NFIC: variants seen among roughly 807,000 people sequenced by gnomAD.
NFIC encodes nuclear factor I C, also known as nuclear factor 1 C-type.
NFIC carries 12 observed loss-of-function variants against 54.4 expected under a neutral mutation model. The ratio of observed to expected loss-of-function variants is 0.22; its 90% confidence interval spans 0.14 to 0.36. The LOEUF (loss-of-function observed/expected upper bound fraction) is 0.36, where lower values mean the gene tolerates loss of function less well. NFIC is among the 10% of genes least tolerant of loss of function. The pLI is 1.00. For missense variants in NFIC, 575 were observed against 718.2 expected (o/e 0.80, Z 2.28); for synonymous variants, 322 against 319.2 (o/e 1.01, Z -0.09).
chr19:3,406,871 C>A (rs2081658012), intron 2 of NFIC, among the ~76,000 whole-genome samples: 1 of 152,146 alleles, frequency 6.6e-6, no homozygotes, highest in Non-Finnish European at 1.5e-5. Context: ...GTGAGCCAGG[C>A]AGGCATTTGC....
intron 2 of NFIC, among the ~76,000 whole-genome samples, chr19:3,411,732 C>T (rs182156273): frequency 5.9e-5 from 9 of 152,256 alleles, no homozygotes; most frequent in Admixed American, 2.0e-4. Flanking sequence ...CTGCTCACAT[C>T]CGGCGGCACA....
chr19:3,452,376 C>T lies in NFIC; in HGVS notation c.1085-106C>T. The T allele has an allele frequency of 7.1e-7, 1 of 1,417,308 alleles. No individual in the cohort carries two copies. Among genetic ancestry groups the T allele is most frequent in the African/African-American group, 1.4e-5 (1 of 71,046 alleles). 87.8% of individuals were successfully genotyped at this position (1,417,308 alleles called of 1,614,324 possible). A position where few individuals can be genotyped will look rare whatever the true frequency, so the allele number is the denominator to read the frequency against. ...TTTTGGTGGTTATTGTTACTAAACG[C>T]ACTGAGATGCCGGCAGGAATGACAC... On this transcript the variant is annotated intron_variant, in intron 7 of 10. Coordinates refer to ENST00000443272, the MANE Select transcript of NFIC (RefSeq NM_001245002.2). This position sits in a 1 kb window ranked among gnomAD's most constrained non-coding sequence, Gnocchi z 5.3.
chr19:3,414,398 C>A (rs900407650), intron 2 of NFIC, among the ~76,000 whole-genome samples: 2 of 152,064 alleles, frequency 1.3e-5, no homozygotes, highest in African/African-American at 2.4e-5. Flanking sequence ...AGTTCGAGAC[C>A]AGCCTGACCA....
In NFIC at chr19:3,433,600, T is replaced by C; in HGVS notation, c.709+8T>C. The C allele has an allele frequency of 6.2e-7, 1 of 1,613,438 alleles. No homozygotes were observed. Among genetic ancestry groups the C allele is most frequent in the East Asian group, 2.2e-5 (1 of 44,844 alleles). ...TCATCCAAGTGTCCCGGAGTGAGTG[T>C]TCCCGTCAGCCCTGAGCTGGGTCTT... On this transcript the variant is annotated splice_region_variant and intron_variant, in intron 4 of 10. Coordinates refer to ENST00000443272, the MANE Select transcript of NFIC (RefSeq NM_001245002.2).
At chr19:3,380,288 G>T (rs1287557488) in intron 1 of NFIC, among the ~76,000 whole-genome samples, 1 of 145,266 alleles carries the variant, frequency 6.9e-6, no homozygotes, top group East Asian at 2.1e-4. Flanking sequence ...ACAAGCGTGA[G>T]CCACCGTGCC....
In NFIC at chr19:3,375,956, A is replaced by C. The variant is rs1354800118; in HGVS notation, c.31-5756A>C. 6.6e-6 allele frequency among the ~76,000 whole-genome samples: 1 copy of C among 151,994 alleles called. No individual in the cohort carries two copies. The highest frequency in any genetic ancestry group is 1.5e-5 in the Non-Finnish European group (1 of 67,986). On this transcript the variant is annotated intron_variant, in intron 1 of 10. Transcript: ENST00000443272. The surrounding 1 kb of genome is among the most constrained non-coding windows in gnomAD (Gnocchi z 4.6). ...TTACAGAGAACAGGCTGTTCTGAGAAAGGGACCCGTGGCCTTCCAGGGGGT... is the reference window on the plus strand; with the variant it reads ...TTACAGAGAACAGGCTGTTCTGAGACAGGGACCCGTGGCCTTCCAGGGGGT...
In NFIC at chr19:3,404,011, C is replaced by T. The variant is rs1037563640; in HGVS notation, c.563-21095C>T. ...TGGCTCCCGGGGCTCCCTTCTCCACCCCCCCAGCCCCTGGCCTGCCCCTTT... is the reference window on the plus strand; with the variant it reads ...TGGCTCCCGGGGCTCCCTTCTCCACTCCCCCAGCCCCTGGCCTGCCCCTTT... On this transcript the variant is annotated intron_variant, in intron 2 of 10. Transcript: ENST00000443272. Among the ~76,000 whole-genome samples, 13 of 151,984 alleles carry T rather than the reference C, an allele frequency of 8.6e-5. No homozygotes were observed. In the East Asian group the frequency reaches 9.7e-4, roughly 11 times the overall value.
chr19:3,452,156 C>T lies in NFIC; in HGVS notation c.1085-326C>T, dbSNP rs930592646. ...CTCAGTGGGTTACACCTGTAATCCC[C>T]GCACTTTGGGAGGCCTAGGAGGGAG... is the stretch of plus-strand genomic sequence containing the variant. On this transcript the variant is annotated intron_variant, in intron 7 of 10. Transcript: ENST00000443272. The surrounding 1 kb of genome is among the most constrained non-coding windows in gnomAD (Gnocchi z 5.3). Among the ~76,000 whole-genome samples the T allele has an allele frequency of 4.0e-5, 6 of 151,172 alleles. No individual in the cohort carries two copies. The highest frequency in any genetic ancestry group is 2.1e-4 in the South Asian group (1 of 4,748).
chr19:3,458,994 G>A lies in NFIC; in HGVS notation c.1509+2359G>A, dbSNP rs1387135986. 2.6e-5 allele frequency among the ~76,000 whole-genome samples: 4 copies of A among 152,010 alleles called. No individual in the cohort carries two copies. The highest frequency in any genetic ancestry group is 5.9e-5 in the Non-Finnish European group (4 of 67,966). On this transcript the variant is annotated intron_variant, in intron 10 of 10. Transcript: ENST00000443272. This position sits in a 1 kb window ranked among gnomAD's most constrained non-coding sequence, Gnocchi z 4.1. The stretch of plus-strand genomic sequence containing the variant: ...AGCACCTGGGTTGAGGCCGGGCGCC[G>A]CCACCTCCCTGCAGACCCCGGAGAG...
chr19:3,402,444 T>A (rs956800735), intron 2 of NFIC, among the ~76,000 whole-genome samples: 3 of 152,190 alleles, frequency 2.0e-5, no homozygotes, highest in East Asian at 1.9e-4. Context: ...CTCTCAACTT[T>A]CTTTCTACAA....
At chr19:3,451,740 G>T (rs74766028) in intron 7 of NFIC, among the ~76,000 whole-genome samples, 15,561 of 151,434 alleles carry the variant, frequency 0.1, 1,794 homozygotes, top group African/African-American at 0.29. Flanking sequence ...CAAATTCCCG[G>T]TCTGCCATCT....
intron 2 of NFIC, among the ~76,000 whole-genome samples, chr19:3,414,808 GTTTGTTTT>G (rs1239628164): frequency 3.3e-5 from 5 of 151,652 alleles, no homozygotes; most frequent in African/African-American, 1.2e-4. Flanking sequence ...AAAGTGCTTA[GTTTGTTTT>G]TTTGTTTTTT....
intron 1 of NFIC, among the ~76,000 whole-genome samples, chr19:3,378,693 G>A (rs1178169775): frequency 6.6e-6 from 1 of 152,184 alleles, no homozygotes; most frequent in African/African-American, 2.4e-5. Flanking sequence ...CCCAGCTCTG[G>A]CCCAGTCTCA....
At chr19:3,441,163 G>A (rs938157102) in intron 6 of NFIC, among the ~76,000 whole-genome samples, 31 of 152,142 alleles carry the variant, frequency 2.0e-4, no homozygotes, top group Non-Finnish European at 8.8e-5. Flanking sequence ...ACAGCCCTGC[G>A]GAGGTGCCTG....
At position 3,453,926 on chromosome 19, in the gene NFIC, C is replaced by T. The variant is rs367788522; in HGVS notation, c.1423+10C>T. 184 of 1,521,876 alleles carry T rather than the reference C, an allele frequency of 1.2e-4. No individual in the cohort carries two copies. The highest frequency in any genetic ancestry group is 1.7e-4 in the Middle Eastern group (1 of 5,814). 94.3% of individuals were successfully genotyped at this position (1,521,876 alleles called of 1,614,324 possible). ...TCGCCGACCTCGCCTTGTAAGCACG[C>T]GGGAAGCGGTGCCCTGGTGGGGCGG... is the stretch of plus-strand genomic sequence containing the variant. On this transcript the variant is annotated intron_variant, in intron 9 of 10. Transcript: ENST00000443272. The surrounding 1 kb of genome is among the most constrained non-coding windows in gnomAD (Gnocchi z 6.7).
intron 2 of NFIC, among the ~76,000 whole-genome samples, chr19:3,421,339 G>A (rs913751836): frequency 3.9e-5 from 6 of 152,220 alleles, no homozygotes; most frequent in African/African-American, 1.4e-4. Context: ...CTGTGCCCAC[G>A]GCCTGGCGCC....
chr19:3,405,759 C>T (rs1214342587), intron 2 of NFIC, among the ~76,000 whole-genome samples: 1 of 151,850 alleles, frequency 6.6e-6, no homozygotes, highest in Non-Finnish European at 1.5e-5. Flanking sequence ...GCCACTACAC[C>T]CAGCTAATTT....
intron 6 of NFIC, among the ~76,000 whole-genome samples, chr19:3,442,370 C>T (rs1358243965): frequency 6.7e-6 from 1 of 148,732 alleles, no homozygotes; most frequent in African/African-American, 2.5e-5. Flanking sequence ...TCACCCCAGG[C>T]TTCCCATCCC....
In NFIC at chr19:3,452,237, C is replaced by A. The variant is rs1227661733; in HGVS notation, c.1085-245C>A. Among the ~76,000 whole-genome samples, 1 of 152,038 alleles carries A rather than the reference C, an allele frequency of 6.6e-6. No homozygotes were observed. The highest frequency in any genetic ancestry group is 1.5e-5 in the Non-Finnish European group (1 of 68,022). ...CCTGGGCAACATAGCAAGACCCCCA[C>A]CTCTACAAAACTAAAAAATTAAATT... On this transcript the variant is annotated intron_variant, in intron 7 of 10. Coordinates refer to ENST00000443272, the MANE Select transcript of NFIC (RefSeq NM_001245002.2). This position sits in a 1 kb window ranked among gnomAD's most constrained non-coding sequence, Gnocchi z 5.3.
Sources: allele counts gnomAD v4.1 joint callset (sites outside exome capture counted in the v4.1 genomes callset), GRCh38; gene constraint gnomAD v4.1.1; non-coding constraint Gnocchi (gnomAD v3.1); transcripts MANE v1.5; gene names NCBI Gene and HGNC (gene_info 2026-07-23, HGNC 2026-07-21).